HTRA1: variants seen among roughly 807,000 people sequenced by gnomAD.
HTRA1 encodes the protein serine protease HTRA1.
In HTRA1, 26 loss-of-function variants were observed where a neutral mutation model predicts 49.7. The observed-to-expected ratio is 0.52, with a 90% confidence interval of 0.38 to 0.73. HTRA1 has a LOEUF of 0.73. HTRA1 is among the 30% of genes least tolerant of loss of function. The pLI, the probability that HTRA1 is intolerant of heterozygous loss-of-function variation, is 0.00. For synonymous variants in HTRA1, 291 were observed against 286.9 expected (o/e 1.01, Z -0.14); for missense variants, 561 against 667.2 (o/e 0.84, Z 1.75).
intron 1 of HTRA1, among the ~76,000 whole-genome samples, chr10:122,469,887 T>C (rs2097485399): frequency 6.6e-6 from 1 of 152,256 alleles, no homozygotes. Context: ...TGTTTCCAGC[T>C]ATCTTTCTGT....
At chr10:122,511,819 A>C in intron 7 of HTRA1, 151 bp from the exon 8 acceptor site, 1 of 655,790 alleles carries the variant, frequency 1.5e-6, no homozygotes. Context: ...TCTGGTAGAC[A>C]GGCAATTTTA....
chr10:122,483,937 T>C (rs2097492063), intron 1 of HTRA1, among the ~76,000 whole-genome samples: 2 of 152,370 alleles, frequency 1.3e-5, no homozygotes, highest in South Asian at 4.1e-4. Context: ...ATAAACGCAG[T>C]CATATATTCG....
At position 122,508,787 on chromosome 10, in the gene HTRA1, C is replaced by T. The variant is rs1274020460; in HGVS notation, c.1120+17C>T. ...AGGCCAAAGGTAGGCAAGGCCCACACAGCCCTGGGGACTCCGGAGATGGGG... is the reference window on the plus strand; with the variant it reads ...AGGCCAAAGGTAGGCAAGGCCCACATAGCCCTGGGGACTCCGGAGATGGGG... On this transcript the variant is annotated intron_variant, in intron 6 of 8. Coordinates refer to ENST00000368984, the MANE Select transcript of HTRA1 (RefSeq NM_002775.5). 1.4e-6 allele frequency: 2 copies of T among 1,472,130 alleles called. No individual in the cohort carries two copies. The highest frequency in any genetic ancestry group is 1.7e-5 in the Admixed American group (1 of 59,850). The allele number at this position is 1,472,130 out of a possible 1,614,324, so 91.2% of individuals were successfully genotyped here. A position where few individuals can be genotyped will look rare whatever the true frequency, so the allele number is the denominator to read the frequency against.
At chr10:122,491,275 A>G (rs960671598) in intron 3 of HTRA1, among the ~76,000 whole-genome samples, 2 of 152,126 alleles carry the variant, frequency 1.3e-5, no homozygotes, top group African/African-American at 4.8e-5. Flanking sequence ...GCCCATGGCT[A>G]CTGCTGGAGG....
At chr10:122,488,814 T>G in intron 1 of HTRA1, 88 bp from the exon 2 acceptor site, 1 of 1,011,624 alleles carries the variant, frequency 9.9e-7, no homozygotes, top group South Asian at 1.3e-5. Flanking sequence ...AGGCTGGGCA[T>G]GCATCTTGGC....
At chr10:122,510,508 C>G (rs902496240) in intron 7 of HTRA1, among the ~76,000 whole-genome samples, 17 of 152,324 alleles carry the variant, frequency 1.1e-4, no homozygotes, top group Admixed American at 1.0e-3. Context: ...AACCCACATT[C>G]CAGGAGGGCC....
chr10:122,489,024 C>G (rs746365687), intron 2 of HTRA1, 23 bp downstream of exon 2: 7 of 1,553,910 alleles, frequency 4.5e-6, no homozygotes, highest in Non-Finnish European at 6.2e-6. Flanking sequence ...TTCCTTTTTC[C>G]TATAACCTCC....
rs748367895 is a variant in HTRA1, at chr10:122,489,427, C to T, written c.578C>T (p.Pro193Leu). Residue 193 changes from proline to leucine, a missense_variant, in exon 3 of 9, where the codon CCG becomes CTG. Pro to Leu is a moderately conservative substitution (Grantham distance 98). This residue lies in a region of HTRA1 where 271 missense variants were observed against 410.0 expected (regional missense o/e 0.66). Coordinates refer to ENST00000368984, the MANE Select transcript of HTRA1 (RefSeq NM_002775.5). Reference sequence around the variant, plus strand: ...TGTACTCCTTTGGATTTTAGGCTTCCGTTTTCTAAACGAGAGGTGCCGGTG... The same window carrying T: ...TGTACTCCTTTGGATTTTAGGCTTCTGTTTTCTAAACGAGAGGTGCCGGTG... ...VVHIELFRKL[P>L]FSKREVPVAS... is the part of the protein sequence containing the mutation. The T allele has an allele frequency of 2.7e-5, 44 of 1,613,934 alleles. No individual in the cohort carries two copies. The highest frequency in any genetic ancestry group is 5.0e-5 in the Admixed American group (3 of 59,982).
chr10:122,488,888 GC>G lies in HTRA1; in HGVS notation c.473-13del, dbSNP rs772728528. 1.9e-6 allele frequency: 3 copies of G among 1,606,424 alleles called. No homozygotes were observed. Among genetic ancestry groups the G allele is most frequent in the Non-Finnish European group, 2.6e-6 (3 of 1,173,050 alleles). On this transcript the variant is annotated splice_polypyrimidine_tract_variant and intron_variant, in intron 1 of 8. Transcript: ENST00000368984. ...GAGTGTCATTAAGTATCTATTCTTT[GC>G]TTTTGTTCTCAGGGCAGGAAGATCC...
chr10:122,489,231 A>G (rs1412277224), intron 2 of HTRA1, among the ~76,000 whole-genome samples, 191 bp from the exon 3 acceptor site: 1 of 152,212 alleles, frequency 6.6e-6, no homozygotes, highest in Non-Finnish European at 1.5e-5. Flanking sequence ...ATTCTCTAAG[A>G]ATATTTTGTA....
At position 122,496,225 on chromosome 10, in the gene HTRA1, GTTCTTTTTTTT is replaced by G. The variant is rs1467562760; in HGVS notation, c.777+6602_777+6612del. Among the ~76,000 whole-genome samples the G allele has an allele frequency of 5.9e-3, 472 of 80,378 alleles. 48 individuals carry two copies. Among genetic ancestry groups the G allele is most frequent in the East Asian group, 0.019 (48 of 2,564 alleles). The allele number at this position is 80,378 out of a possible 152,430, so 52.7% of individuals were successfully genotyped here. A position where few individuals can be genotyped will look rare whatever the true frequency, so the allele number is the denominator to read the frequency against. ...CCCTTTCGTTTGCCAGAGATTGTGG[GTTCTTTTTTTT>G]TTTTTTTTTTTTTTTTTTTTTTTGC... On this transcript the variant is annotated intron_variant, in intron 3 of 8. Transcript: ENST00000368984.
chr10:122,483,005 C>A (rs544404931), intron 1 of HTRA1, among the ~76,000 whole-genome samples: 6 of 148,784 alleles, frequency 4.0e-5, no homozygotes, highest in African/African-American at 1.5e-4. Flanking sequence ...TCCTTTAATT[C>A]ATACTCCCCA....
chr10:122,501,968 T>C, intron 3 of HTRA1, among the ~76,000 whole-genome samples: 1 of 5,376 alleles, frequency 1.9e-4, no homozygotes, highest in East Asian at 6.6e-3. Context: ...GGAGTTTTTT[T>C]TTTTTTTTTT....
At chr10:122,503,997 C>T (rs1472714354) in intron 3 of HTRA1, among the ~76,000 whole-genome samples, 1 of 152,162 alleles carries the variant, frequency 6.6e-6, no homozygotes, top group Non-Finnish European at 1.5e-5. Flanking sequence ...GTTTGCATCA[C>T]GGGTGTCCAT....
In HTRA1 at chr10:122,506,562, AG is replaced by A. The variant is rs2097503146; in HGVS notation, c.778-128del. 1 of 787,390 alleles carries A rather than the reference AG, an allele frequency of 1.3e-6. No individual in the cohort carries two copies. The allele number at this position is 787,390 out of a possible 1,614,324, so 48.8% of individuals were successfully genotyped here. ...GCAAAGGGATGTTAGTTGTGAGCTC[AG>A]TTCCCCACCGGGCCTGGTGTTTCCA... On this transcript the variant is annotated intron_variant, in intron 3 of 8. Coordinates refer to ENST00000368984, the MANE Select transcript of HTRA1 (RefSeq NM_002775.5). This position sits in a 1 kb window ranked among gnomAD's most constrained non-coding sequence, Gnocchi z 5.2.
chr10:122,510,616 G>A (rs1474403639), intron 7 of HTRA1, among the ~76,000 whole-genome samples: 1 of 152,228 alleles, frequency 6.6e-6, no homozygotes, highest in African/African-American at 2.4e-5. Flanking sequence ...GCGCAGGGAA[G>A]TGAATGACTG....
intron 1 of HTRA1, among the ~76,000 whole-genome samples, chr10:122,481,923 C>T (rs1269333101): frequency 6.6e-6 from 1 of 152,140 alleles, no homozygotes; most frequent in Non-Finnish European, 1.5e-5. Context: ...GAGGCTTCCC[C>T]AGCCACGTGG....
chr10:122,484,675 G>A (rs2097492360), intron 1 of HTRA1, among the ~76,000 whole-genome samples: 1 of 152,208 alleles, frequency 6.6e-6, no homozygotes, highest in Admixed American at 6.5e-5. Flanking sequence ...AACACATTGA[G>A]GTAGGTGGTG....
At chr10:122,512,877 CAG>C (rs1009988745) in intron 8 of HTRA1, among the ~76,000 whole-genome samples, 2 of 152,152 alleles carry the variant, frequency 1.3e-5, no homozygotes, top group African/African-American at 4.8e-5. Context: ...CTTGAGTCCC[CAG>C]AGTCCATTGT....
Sources: allele counts gnomAD v4.1 joint callset (sites outside exome capture counted in the v4.1 genomes callset), GRCh38; gene constraint gnomAD v4.1.1; regional missense constraint gnomAD v4.1.1; non-coding constraint Gnocchi (gnomAD v3.1); transcripts MANE v1.5; gene names NCBI Gene and HGNC (gene_info 2026-07-23, HGNC 2026-07-21).